IKZF2: variants seen among roughly 807,000 people sequenced by gnomAD.
IKZF2 encodes IKAROS family zinc finger 2.
Under a neutral mutation model 49.2 loss-of-function variants are expected in IKZF2, and 15 were observed. That is an observed-to-expected ratio of 0.30 (90% CI 0.20 to 0.47). The LOEUF is 0.47. Among genes scored for constraint, IKZF2 ranks in the 20% least tolerant of loss-of-function variants. The probability of loss-of-function intolerance (pLI) is 1.00; values close to 1 mark genes in which losing one functional copy is unlikely to be tolerated. For missense variants in IKZF2, 567 were observed against 664.6 expected, an observed-to-expected ratio of 0.85 and a Z score of 1.61; for synonymous variants, 227 against 221.4, an observed-to-expected ratio of 1.03 and a Z score of -0.23.
chr2:213,057,489 C>T (rs1021600169), intron 4 of IKZF2, among the ~76,000 whole-genome samples: 2 of 152,016 alleles, frequency 1.3e-5, no homozygotes, highest in Non-Finnish European at 2.9e-5. Context: ...CTGAACTATG[C>T]CTCCTCTTAA....
At chr2:213,083,197 A>C (rs1041673613) in intron 4 of IKZF2, among the ~76,000 whole-genome samples, 2 of 152,148 alleles carry the variant, frequency 1.3e-5, no homozygotes, top group African/African-American at 2.4e-5. Flanking sequence ...AATAACTTCT[A>C]TAAGTTCTAG....
chr2:213,150,135 T>G lies in IKZF2; in HGVS notation c.-16+9A>C. 1 of 1,288,874 alleles carries G rather than the reference T, an allele frequency of 7.8e-7. No homozygotes were observed. The highest frequency in any genetic ancestry group is 1.5e-5 in the African/African-American group (1 of 65,624). The allele number at this position is 1,288,874 out of a possible 1,614,324, so 79.8% of individuals were successfully genotyped here. On this transcript the variant is annotated intron_variant, in intron 2 of 8. Transcript: ENST00000434687. ...AGAAAAAGGAGAAAGAGAAACGAAA[T>G]GTACATACAAAAGAAATTGTCCTTT... is the stretch of plus-strand genomic sequence containing the variant.
rs191849486 is a variant in IKZF2, at chr2:213,077,749, G to A, written c.140-20650C>T. On this transcript the variant is annotated intron_variant, in intron 4 of 8. Transcript: ENST00000434687. Reference sequence around the variant, plus strand: ...ACTACAGGCGCCCGCCACCATGTCCGGCTAATTTTTGTGTATTTTTAGTAG... The same window carrying A: ...ACTACAGGCGCCCGCCACCATGTCCAGCTAATTTTTGTGTATTTTTAGTAG... 6.6e-3 allele frequency among the ~76,000 whole-genome samples: 1,007 copies of A among 151,738 alleles called. 13 individuals are homozygous for A. Among genetic ancestry groups the A allele is most frequent in the African/African-American group, 0.023 (967 of 41,402 alleles).
chr2:213,063,379 G>A (rs967395910), intron 4 of IKZF2, among the ~76,000 whole-genome samples: 1 of 151,752 alleles, frequency 6.6e-6, no homozygotes, highest in Admixed American at 6.6e-5. Flanking sequence ...AGAAAACCAG[G>A]GTCTCTACCA....
In IKZF2 at chr2:213,022,043, T is replaced by C. The variant is rs755510162; in HGVS notation, c.662A>G (p.Tyr221Cys). 9.3e-6 allele frequency: 15 copies of C among 1,613,888 alleles called. No individual in the cohort carries two copies. The highest frequency in any genetic ancestry group is 1.3e-5 in the Non-Finnish European group (15 of 1,179,818). The change falls in exon 7 of 9, where the codon TAT (tyrosine) becomes TGT (cysteine). Residue 221 changes from tyrosine (Y) to cysteine (C), a missense_variant. This residue lies in a region of IKZF2 where 310 missense variants were observed against 326.9 expected (regional missense o/e 0.95). Coordinates refer to ENST00000434687, the MANE Select transcript of IKZF2 (RefSeq NM_001387220.1). The part of the protein sequence containing the change: ...LEEHKERCHN[Y>C]LQNVSMEAAG... ...AGCCTCCATGCTGACATTCTGGAGATAGTTGTGGCAGCGTTCCTTGTGCTC... is the reference window on the plus strand; with the variant it reads ...AGCCTCCATGCTGACATTCTGGAGACAGTTGTGGCAGCGTTCCTTGTGCTC...
At chr2:213,082,983 A>G (rs996306196) in intron 4 of IKZF2, among the ~76,000 whole-genome samples, 7 of 152,156 alleles carry the variant, frequency 4.6e-5, no homozygotes, top group African/African-American at 1.7e-4. Context: ...AAAGCATTTT[A>G]TATTTCTTTT....
intron 6 of IKZF2, among the ~76,000 whole-genome samples, chr2:213,023,590 A>C (rs1697468582): frequency 6.6e-6 from 1 of 152,192 alleles, no homozygotes; most frequent in Non-Finnish European, 1.5e-5. Context: ...GAAATCATCT[A>C]GTGTAAATAC....
rs981862729 is a variant in IKZF2 at position 213,005,407 on chromosome 2, T to C, written c.*1953A>G. The C allele has an allele frequency of 6.6e-6, 1 of 151,926 alleles. No homozygotes were observed. Among genetic ancestry groups the C allele is most frequent in the African/African-American group, 2.4e-5 (1 of 41,372 alleles). The allele number at this position is 151,926 out of a possible 1,614,324, so 9.4% of individuals were successfully genotyped here. A position where few individuals can be genotyped will look rare whatever the true frequency, so the allele number is the denominator to read the frequency against. On this transcript the variant is annotated 3_prime_UTR_variant, in exon 9 of 9. Transcript: ENST00000434687. Reference sequence around the variant, plus strand: ...GTAGAAGAGAGCTGAGTTCTAACCATTTTTGCCTAGTTCTAGCTGTGTTAG... The same window carrying C: ...GTAGAAGAGAGCTGAGTTCTAACCACTTTTGCCTAGTTCTAGCTGTGTTAG...
chr2:213,038,584 C>CA (rs11409912), intron 6 of IKZF2, among the ~76,000 whole-genome samples: 31,170 of 123,388 alleles, frequency 0.25, 3,509 homozygotes, highest in African/African-American at 0.37. Context: ...GAAGTCATTA[C>CA]AAAAAAAAAA....
chr2:213,024,720 T>C (rs1697622775), intron 6 of IKZF2, among the ~76,000 whole-genome samples: 1 of 152,138 alleles, frequency 6.6e-6, no homozygotes, highest in East Asian at 1.9e-4. Context: ...CTGCCCTTAC[T>C]ACTCCTTTGA....
At chr2:213,122,940 G>A (rs901593629) in intron 4 of IKZF2, among the ~76,000 whole-genome samples, 5 of 152,280 alleles carry the variant, frequency 3.3e-5, no homozygotes, top group Admixed American at 6.5e-5. Context: ...CCATCCTAAC[G>A]ATTTAGATTG....
chr2:213,094,402 G>A (rs1363699697), intron 4 of IKZF2, among the ~76,000 whole-genome samples: 1 of 152,114 alleles, frequency 6.6e-6, no homozygotes, highest in African/African-American at 2.4e-5. Context: ...ACAAGCAATA[G>A]CAAGAGAGAG....
Position 213,002,629 on chromosome 2 carries a change from C to A in IKZF2, c.*4731G>T, listed in dbSNP as rs1040608548. The stretch of plus-strand genomic sequence containing the variant: ...GTAATACACAACCATGATATGAAAC[C>A]ATTTGAGATTATGCTTTGGAGAATA... On this transcript the variant is annotated 3_prime_UTR_variant, in exon 9 of 9. Transcript: ENST00000434687. 1 of 151,756 alleles carries A rather than the reference C, an allele frequency of 6.6e-6. No homozygotes were observed. The highest frequency in any genetic ancestry group is 1.5e-5 in the Non-Finnish European group (1 of 67,522). 9.4% of individuals were successfully genotyped at this position (151,756 alleles called of 1,614,324 possible). A position where few individuals can be genotyped will look rare whatever the true frequency, so the allele number is the denominator to read the frequency against.
chr2:213,056,188 A>C (rs1471069221), intron 5 of IKZF2, among the ~76,000 whole-genome samples: 2 of 152,116 alleles, frequency 1.3e-5, no homozygotes, highest in Non-Finnish European at 2.9e-5. Context: ...AGTATGAATT[A>C]ATCTGTGGGC....
chr2:213,055,310 T>A (rs1701036029), intron 5 of IKZF2, among the ~76,000 whole-genome samples: 1 of 152,122 alleles, frequency 6.6e-6, no homozygotes, highest in Admixed American at 6.6e-5. Context: ...GAAAAGTAGA[T>A]TATTTTATAG....
intron 3 of IKZF2, 44 bp downstream of exon 3, chr2:213,148,552 G>C (rs577690065): frequency 1.4e-6 from 2 of 1,408,552 alleles, no homozygotes; most frequent in African/African-American, 2.9e-5. Context: ...TAATACAAAG[G>C]CAACTTTATT....
intron 4 of IKZF2, among the ~76,000 whole-genome samples, chr2:213,088,373 A>C (rs1704904547): frequency 6.6e-6 from 1 of 152,014 alleles, no homozygotes; most frequent in Non-Finnish European, 1.5e-5. Flanking sequence ...TTTCTTGTAA[A>C]TTTGTTTAAG....
At chr2:213,078,426 T>C (rs1574753223) in intron 4 of IKZF2, among the ~76,000 whole-genome samples, 1 of 152,246 alleles carries the variant, frequency 6.6e-6, no homozygotes, top group Non-Finnish European at 1.5e-5. Flanking sequence ...ATGTAACTCA[T>C]ACTTAAACAG....
intron 4 of IKZF2, among the ~76,000 whole-genome samples, chr2:213,125,669 T>C (rs2125862857): frequency 1.3e-5 from 2 of 152,186 alleles, no homozygotes; most frequent in East Asian, 3.9e-4. Flanking sequence ...AGAAGGTAAA[T>C]GAATGAACAA....
Sources: gnomAD v4.1 joint callset for allele counts (sites outside exome capture counted in the v4.1 genomes callset) on GRCh38, gnomAD v4.1.1 for gene constraint, gnomAD v4.1.1 regional missense constraint, MANE v1.5 for transcripts, NCBI Gene and HGNC (gene_info 2026-07-23, HGNC 2026-07-21) for gene names.